The following FSHR variants were observed in gnomAD, a reference collection of about 807,000 sequenced individuals.
FSHR encodes the protein follicle-stimulating hormone receptor.
In FSHR, 46 loss-of-function variants were observed where a neutral mutation model predicts 52.1. That is an observed-to-expected ratio of 0.88 (90% CI 0.70 to 1.13). The LOEUF is 1.13. FSHR is among the 50% of genes most tolerant of loss of function. The pLI, the probability that FSHR is intolerant of heterozygous loss-of-function variation, is 0.00. For synonymous variants in FSHR, 399 were observed against 309.6 expected (o/e 1.29, Z -3.03); for missense variants, 964 against 834.6 (o/e 1.16, Z -1.91).
At chr2:49,122,179 G>A (rs17038302) in intron 1 of FSHR, among the ~76,000 whole-genome samples, 2,013 of 152,274 alleles carry the variant, frequency 0.013, 38 homozygotes, top group African/African-American at 0.046. Flanking sequence ...CCTAAAGCAT[G>A]TTCTGAGCAT....
chr2:49,068,218 C>T lies in FSHR; in HGVS notation c.224+1G>A. The T allele has an allele frequency of 6.2e-7, 1 of 1,609,846 alleles. No individual in the cohort carries two copies. The highest frequency in any genetic ancestry group is 8.5e-7 in the Non-Finnish European group (1 of 1,177,846). On this transcript the variant is annotated splice_donor_variant, in intron 2 of 9. Transcript: ENST00000406846. LOFTEE classifies it high-confidence loss of function. ...CACTCACAGCAGTGCTAGGTACATA[C>T]ATTTTCTCCAGGTCCCCAAATCCTG...
Position 48,963,672 on chromosome 2 carries a change from C to G in FSHR, c.1149G>C (p.Val383=), listed in dbSNP as rs373696730. The G allele has an allele frequency of 1.2e-6, 2 of 1,614,016 alleles. No homozygotes were observed. The highest frequency in any genetic ancestry group is 1.3e-5 in the African/African-American group (1 of 74,912). ...ATTGGCTGGTAGTTAGGATCACTAG[C>G]ACTATGATGTTCCCAGTGATGGCCA... ...SILAITGNII[V]LVILTTSQYK... is the part of the protein sequence containing the mutation. The change falls in exon 10 of 10, where the codon GTG becomes GTC. Residue 383 remains valine (V), a synonymous_variant. Transcript: ENST00000406846.
intron 1 of FSHR, among the ~76,000 whole-genome samples, chr2:49,147,982 A>C (rs1360330742): frequency 1.3e-5 from 2 of 151,992 alleles, no homozygotes; most frequent in African/African-American, 4.8e-5. Flanking sequence ...TTCAGTTTTG[A>C]TAATCAGAGA....
intron 8 of FSHR, among the ~76,000 whole-genome samples, chr2:48,969,445 G>A (rs1015103456): frequency 3.3e-5 from 5 of 152,162 alleles, no homozygotes; most frequent in African/African-American, 1.2e-4. Context: ...GTCTACAGCA[G>A]ACCTGCCTGC....
chr2:48,962,822 G>C lies in FSHR; in HGVS notation c.1999C>G (p.Pro667Ala), dbSNP rs749792082. Residue 667 changes from proline (P) to alanine (A), a missense_variant, in exon 10 of 10, where the codon CCA becomes GCA. Physicochemically the swap from Pro to Ala is conservative, Grantham distance 27. Transcript: ENST00000406846. ...GCTGAAGAGCAGTGGCCATTCCTTG[G>C]ATGGGTGTTGTGGACAGTGGATGAA... ...ETSSTVHNTH[P>A]RNGHCSSAPR... 5.0e-6 allele frequency: 8 copies of C among 1,614,192 alleles called. No homozygotes were observed. Among genetic ancestry groups the C allele is most frequent in the Non-Finnish European group, 6.8e-6 (8 of 1,180,008 alleles).
chr2:49,066,946 T>C (rs1669525204), intron 2 of FSHR, among the ~76,000 whole-genome samples: 2 of 152,058 alleles, frequency 1.3e-5, no homozygotes, highest in Admixed American at 1.3e-4. Context: ...CTCTACTGTC[T>C]CCCTGGTTTC....
chr2:49,053,715 C>A (rs1055137131), intron 2 of FSHR, among the ~76,000 whole-genome samples: 3 of 152,078 alleles, frequency 2.0e-5, no homozygotes, highest in Admixed American at 6.5e-5. Context: ...CAGTCCTTTC[C>A]CTGTTGACTT....
At position 48,963,699 on chromosome 2, in the gene FSHR, G is replaced by A; in HGVS notation, c.1122C>T (p.Ile374=). 1 of 1,614,176 alleles carries A rather than the reference G, an allele frequency of 6.2e-7. No homozygotes were observed. Among genetic ancestry groups the A allele is most frequent in the East Asian group, 2.2e-5 (1 of 44,888 alleles). ...CTATGATGTTCCCAGTGATGGCCAG[G>A]ATGCTGATAAACCATATCAGGACTC... ...ILRVLIWFIS[I]LAITGNIIVL... is the part of the protein sequence containing the mutation. Residue 374 remains isoleucine, a synonymous_variant, in exon 10 of 10, where the codon ATC becomes ATT. Coordinates refer to ENST00000406846, the MANE Select transcript of FSHR (RefSeq NM_000145.4).
intron 6 of FSHR, 68 bp from the exon 7 acceptor site, chr2:48,983,234 G>A: frequency 4.8e-6 from 7 of 1,450,628 alleles, no homozygotes; most frequent in Non-Finnish European, 6.8e-6. Context: ...TTCATAATTG[G>A]AAGCACTGAG....
rs1313744236 is a variant in FSHR at position 48,997,292 on chromosome 2, T to C, written c.375-6655A>G. 6.1e-6 allele frequency: 6 copies of C among 984,782 alleles called. No individual in the cohort carries two copies. In the Admixed American group the frequency reaches 3.7e-4, roughly 61 times the overall value. The allele number at this position is 984,782 out of a possible 1,614,324, so 61.0% of individuals were successfully genotyped here. On this transcript the variant is annotated intron_variant, in intron 4 of 9. Coordinates refer to ENST00000406846, the MANE Select transcript of FSHR (RefSeq NM_000145.4). ...GATCTCACATTTTCAAAACTAGAAG[T>C]ATTTAACTCTCATATTTAACTGGAA...
chr2:49,088,278 C>A (rs969935693), intron 1 of FSHR, among the ~76,000 whole-genome samples: 1 of 152,044 alleles, frequency 6.6e-6, no homozygotes, highest in African/African-American at 2.4e-5. Flanking sequence ...AGTTCTGGAG[C>A]TTAGATGTTT....
Position 48,963,864 on chromosome 2 carries a change from C to G in FSHR, c.957G>C (p.Glu319Asp), listed in dbSNP as rs1360991868. Residue 319 changes from glutamate (E) to aspartate (D), a missense_variant, in exon 10 of 10, where the codon GAG becomes GAC. Physicochemically the swap from Glu to Asp is conservative, Grantham distance 45. Coordinates refer to ENST00000406846, the MANE Select transcript of FSHR (RefSeq NM_000145.4). ...TGTCAAATCCTCTGCTGTAGCTGGA[C>G]TCATTGTCTTCTGCCAGAGAGGATC... The part of the protein sequence containing the change: ...GQRSSLAEDN[E>D]SSYSRGFDMT... 6.2e-7 allele frequency: 1 copy of G among 1,614,122 alleles called. No homozygotes were observed. The highest frequency in any genetic ancestry group is 1.3e-5 in the African/African-American group (1 of 75,012).
chr2:48,992,537 C>A (rs1675831574), intron 4 of FSHR, among the ~76,000 whole-genome samples: 1 of 152,162 alleles, frequency 6.6e-6, no homozygotes, highest in Admixed American at 6.5e-5. Flanking sequence ...CTCTTCAGTG[C>A]CTCTTTCAGC....
At chr2:49,134,780 T>C (rs1672426002) in intron 1 of FSHR, among the ~76,000 whole-genome samples, 1 of 152,058 alleles carries the variant, frequency 6.6e-6, no homozygotes, top group Non-Finnish European at 1.5e-5. Context: ...ATGGATGAAA[T>C]TGGAAACCAT....
intron 4 of FSHR, among the ~76,000 whole-genome samples, chr2:49,003,685 C>T (rs1201179680): frequency 2.0e-5 from 3 of 152,212 alleles, no homozygotes; most frequent in African/African-American, 7.2e-5. Context: ...CAGGTGCAAG[C>T]ATCTGGATCA....
chr2:49,002,570 C>G (rs556884183), intron 4 of FSHR, among the ~76,000 whole-genome samples: 1 of 151,906 alleles, frequency 6.6e-6, no homozygotes, highest in African/African-American at 2.4e-5. Flanking sequence ...GAAGAAGTGC[C>G]GAGCAAAGGG....
chr2:49,068,167 G>T (rs2103618298), intron 2 of FSHR, 52 bp downstream of exon 2: 3 of 1,376,380 alleles, frequency 2.2e-6, no homozygotes, highest in East Asian at 2.3e-5. Flanking sequence ...GTCTGAGGTT[G>T]CTCCCTATAG....
intron 2 of FSHR, among the ~76,000 whole-genome samples, chr2:49,044,288 G>T (rs1025188043): frequency 1.3e-5 from 2 of 152,102 alleles, no homozygotes; most frequent in Admixed American, 6.5e-5. Context: ...GGTTGGTGAG[G>T]AGCACCTATT....
chr2:49,021,629 A>G (rs1047534000), intron 2 of FSHR, among the ~76,000 whole-genome samples: 1 of 151,836 alleles, frequency 6.6e-6, no homozygotes, highest in Admixed American at 6.6e-5. Context: ...TGACTGGTGC[A>G]TCTGTGACCA....
Sources: allele counts gnomAD v4.1 joint callset (sites outside exome capture counted in the v4.1 genomes callset), GRCh38; gene constraint gnomAD v4.1.1; transcripts MANE v1.5; gene names NCBI Gene and HGNC (gene_info 2026-07-23, HGNC 2026-07-21).